The following GPC4 variants were observed in gnomAD, a reference collection of about 807,000 sequenced individuals.
GPC4 encodes the protein glypican-4.
Under a neutral mutation model 35.0 loss-of-function variants are expected in GPC4, and 10 were observed. That is an observed-to-expected ratio of 0.29 (90% CI 0.18 to 0.48). The LOEUF is 0.48. GPC4 is among the 20% of genes least tolerant of loss of function. GPC4 has a pLI of 0.99. For missense variants in GPC4, 322 were observed against 451.3 expected (o/e 0.71, Z 2.60); for synonymous variants, 167 against 170.2 (o/e 0.98, Z 0.15).
chrX:133,375,337 AT>A (rs967026930), intron 1 of GPC4, among the ~76,000 whole-genome samples: 6 of 111,845 alleles, frequency 5.4e-5, no homozygotes, highest in African/African-American at 1.6e-4. Flanking sequence ...GTATAAAGGC[AT>A]TTTTTTGTAC....
At chrX:133,410,864 G>A (rs2068809759) in intron 1 of GPC4, among the ~76,000 whole-genome samples, 1 of 111,990 alleles carries the variant, frequency 8.9e-6, no homozygotes, top group African/African-American at 3.2e-5. Flanking sequence ...AAACTACTTG[G>A]GACAATTTCT....
At chrX:133,325,287 TGA>T (rs778491465) in intron 2 of GPC4, among the ~76,000 whole-genome samples, 1,632 of 109,512 alleles carry the variant, frequency 0.015, 23 homozygotes, top group Non-Finnish European at 0.024. Context: ...TGTGTGTGTG[TGA>T]GAGAGAGAGA....
intron 4 of GPC4, 84 bp from the exon 5 acceptor site, chrX:133,306,238 TTCTG>T (rs2068290661): frequency 1.1e-5 from 11 of 1,046,538 alleles, no homozygotes; most frequent in Admixed American, 2.3e-5. Flanking sequence ...TGATTTTTTT[TTCTG>T]TCTGTTTCCT....
At chrX:133,407,605 T>C (rs996148017) in intron 1 of GPC4, among the ~76,000 whole-genome samples, 2 of 111,608 alleles carry the variant, frequency 1.8e-5, no homozygotes, top group Admixed American at 1.9e-4. Flanking sequence ...CCTAGATAGG[T>C]TGGACTCAAC....
chrX:133,354,618 G>C (rs2068533099), intron 1 of GPC4, among the ~76,000 whole-genome samples: 1 of 104,391 alleles, frequency 9.6e-6, no homozygotes, highest in African/African-American at 3.7e-5. Context: ...CCAGACTGCG[G>C]ACTGCAGTGG....
rs777115814 is a variant in GPC4, at chrX:133,310,887, G to C, written c.877+371C>G. On this transcript the variant is annotated intron_variant, in intron 4 of 8. Coordinates refer to ENST00000370828, the MANE Select transcript of GPC4 (RefSeq NM_001448.3). ...CATGCCTATAATCCCAGGGCTTTTG[G>C]GGGGCTGAGGGTGAGAGGATCGCTT... Among the ~76,000 whole-genome samples, 158 of 111,022 alleles carry C rather than the reference G, an allele frequency of 1.4e-3. 1 individual carries two copies. Among genetic ancestry groups the C allele is most frequent in the Non-Finnish European group, 2.1e-3 (110 of 52,996 alleles).
chrX:133,325,155 G>A (rs1226042845), intron 2 of GPC4, among the ~76,000 whole-genome samples: 13 of 110,747 alleles, frequency 1.2e-4, no homozygotes, highest in Non-Finnish European at 2.5e-4. Flanking sequence ...AAGTTCCTGG[G>A]TGTTTCTCTG....
chrX:133,316,658 G>A (rs988173790), intron 3 of GPC4, among the ~76,000 whole-genome samples: 11 of 111,906 alleles, frequency 9.8e-5, no homozygotes, highest in African/African-American at 3.6e-4. Flanking sequence ...ATACTTGGAT[G>A]AGATAACATT....
chrX:133,305,133 C>A (rs2068285253), intron 6 of GPC4, among the ~76,000 whole-genome samples: 1 of 111,594 alleles, frequency 9.0e-6, no homozygotes, highest in Non-Finnish European at 1.9e-5. Flanking sequence ...GTCTCCATGC[C>A]CTGTAGGCAC....
At position 133,302,969 on chromosome X, in the gene GPC4, G is replaced by C. The variant is rs770097914; in HGVS notation, c.1569C>G (p.Ala523=). 6 of 1,211,206 alleles carry C rather than the reference G, an allele frequency of 5.0e-6. No homozygotes were observed. The East Asian group carries it at 1.8e-4, about 36-fold the overall frequency. ...CACCAGCACTGTCGGCTTTCTCATTGGCACTCTTCCCAGCATGGTCAGTGG... is the reference window on the plus strand; with the variant it reads ...CACCAGCACTGTCGGCTTTCTCATTCGCACTCTTCCCAGCATGGTCAGTGG... ...YNATDHAGKS[A]NEKADSAGVR... The change falls in exon 9 of 9, where the codon GCC becomes GCG. Residue 523 remains alanine, a synonymous_variant. Coordinates refer to ENST00000370828, the MANE Select transcript of GPC4 (RefSeq NM_001448.3).
chrX:133,354,147 C>T (rs146584317), intron 1 of GPC4, among the ~76,000 whole-genome samples: 2,822 of 111,718 alleles, frequency 0.025, 47 homozygotes, highest in Non-Finnish European at 0.042. Context: ...GATGTTTCAT[C>T]CTATGTGGAA....
intron 1 of GPC4, among the ~76,000 whole-genome samples, chrX:133,347,986 G>A (rs942726202): frequency 8.9e-6 from 1 of 112,221 alleles, no homozygotes; most frequent in African/African-American, 3.2e-5. Context: ...GTAGTATAGA[G>A]AAGGCCAGTC....
chrX:133,324,553 A>AC lies in GPC4; in HGVS notation c.320-18_320-17insG. ...TGAAGAATTCTGAAACCAACACCAA[A>AC]AAAAAAAAAAAAAAAAGGAAAAACG... is the stretch of plus-strand genomic sequence containing the variant. On this transcript the variant is annotated splice_polypyrimidine_tract_variant and intron_variant, in intron 2 of 8. Transcript: ENST00000370828. The AC allele has an allele frequency of 2.4e-6, 1 of 421,142 alleles. No homozygotes were observed. 34.7% of individuals were successfully genotyped at this position (421,142 alleles called of 1,213,427 possible).
chrX:133,369,021 CG>C (rs1473193433), intron 1 of GPC4, among the ~76,000 whole-genome samples: 3 of 111,554 alleles, frequency 2.7e-5, no homozygotes, highest in Admixed American at 9.5e-5. Context: ...CTACTTTAAA[CG>C]TAAGAATCAC....
At chrX:133,304,933 C>T in intron 6 of GPC4, 72 bp from the exon 7 acceptor site, 1 of 1,042,788 alleles carries the variant, frequency 9.6e-7, no homozygotes, top group Non-Finnish European at 1.3e-6. Flanking sequence ...AGTGTGCCTT[C>T]TGGCCATTTC....
chrX:133,346,554 G>T (rs986409333), intron 1 of GPC4, among the ~76,000 whole-genome samples: 2 of 111,236 alleles, frequency 1.8e-5, no homozygotes, highest in African/African-American at 6.5e-5. Context: ...TGATATCCTG[G>T]ATGGGATCCT....
At chrX:133,319,634 G>C (rs1416683544) in intron 3 of GPC4, among the ~76,000 whole-genome samples, 2 of 109,548 alleles carry the variant, frequency 1.8e-5, no homozygotes, top group Admixed American at 9.8e-5. Flanking sequence ...TTCTTGGGTT[G>C]TTCTAGATCC....
chrX:133,396,521 G>A (rs1191971458), intron 1 of GPC4, among the ~76,000 whole-genome samples: 1 of 111,828 alleles, frequency 8.9e-6, no homozygotes, highest in African/African-American at 3.2e-5. Flanking sequence ...TGATCAGCTT[G>A]CATTCCCCTC....
chrX:133,321,586 C>G (rs1700075264), intron 3 of GPC4, among the ~76,000 whole-genome samples: 1 of 112,563 alleles, frequency 8.9e-6, no homozygotes, highest in Non-Finnish European at 1.9e-5. Context: ...CCAAATCACA[C>G]AGCAGTGTCT....
Sources: gnomAD v4.1 joint callset for allele counts (sites outside exome capture counted in the v4.1 genomes callset) on GRCh38, gnomAD v4.1.1 for gene constraint, MANE v1.5 for transcripts, NCBI Gene and HGNC (gene_info 2026-07-23, HGNC 2026-07-21) for gene names.